The following RAB39B variants were observed in gnomAD, a reference collection of about 807,000 sequenced individuals.
RAB39B encodes ras-related protein Rab-39B.
For missense variants in RAB39B, 68 were observed against 171.3 expected (o/e 0.40, Z 3.37); for synonymous variants, 63 against 67.5 (o/e 0.93, Z 0.33).
intron 1 of RAB39B, among the ~76,000 whole-genome samples, chrX:155,263,772 G>T (rs1038467961): frequency 3.6e-5 from 4 of 112,282 alleles, no homozygotes; most frequent in African/African-American, 1.3e-4. Flanking sequence ...TGTAACATAG[G>T]GACTGAGATT....
chrX:155,263,632 T>C (rs2074860064), intron 1 of RAB39B, among the ~76,000 whole-genome samples: 1 of 112,857 alleles, frequency 8.9e-6, no homozygotes, highest in Non-Finnish European at 1.9e-5. Flanking sequence ...ATCTATTTCA[T>C]GTTAGAACAT....
rs782583579 is a variant in RAB39B at position 155,259,506 on chromosome X, T to C, written c.*1297A>G. 4.5e-5 allele frequency: 5 copies of C among 112,078 alleles called. No homozygotes were observed. Among genetic ancestry groups the C allele is most frequent in the African/African-American group, 1.6e-4 (5 of 30,863 alleles). 9.2% of individuals were successfully genotyped at this position (112,078 alleles called of 1,213,427 possible). On this transcript the variant is annotated 3_prime_UTR_variant, in exon 2 of 2. Coordinates refer to ENST00000369454, the MANE Select transcript of RAB39B (RefSeq NM_171998.4). ...TGTGTCTCAGTGATAAGAACACTTA[T>C]AGCCCACACAGTTCTAATGTCTTTT... is the stretch of plus-strand genomic sequence containing the variant.
rs891354212 is a variant in RAB39B at position 155,264,371 on chromosome X, C to G, written c.-83G>C. The G allele has an allele frequency of 1.1e-6, 1 of 932,914 alleles. No individual in the cohort carries two copies. Among genetic ancestry groups the G allele is most frequent in the East Asian group, 3.1e-5 (1 of 32,332 alleles). The allele number at this position is 932,914 out of a possible 1,213,427, so 76.9% of individuals were successfully genotyped here. A position where few individuals can be genotyped will look rare whatever the true frequency, so the allele number is the denominator to read the frequency against. On this transcript the variant is annotated 5_prime_UTR_variant, in exon 1 of 2. Transcript: ENST00000369454. ...CGCCGACGCCTCAGAGAGCGCGGCT[C>G]GGCAGGATCTAGCTCAGCCGCGAGC...
chrX:155,262,650 A>G (rs1264890719), intron 1 of RAB39B, among the ~76,000 whole-genome samples: 3 of 112,350 alleles, frequency 2.7e-5, no homozygotes, highest in Non-Finnish European at 5.6e-5. Context: ...ACATTAAAAA[A>G]TCTTAAATAA....
chrX:155,263,740 C>G, intron 1 of RAB39B, among the ~76,000 whole-genome samples: 1 of 112,407 alleles, frequency 8.9e-6, no homozygotes, highest in Non-Finnish European at 1.9e-5. Context: ...GTTAGGATGA[C>G]CTGGGAACGT....
chrX:155,264,372 G>A lies in RAB39B; in HGVS notation c.-84C>T. On this transcript the variant is annotated 5_prime_UTR_variant, in exon 1 of 2. Coordinates refer to ENST00000369454, the MANE Select transcript of RAB39B (RefSeq NM_171998.4). ...GCCGACGCCTCAGAGAGCGCGGCTC[G>A]GCAGGATCTAGCTCAGCCGCGAGCG... 1 of 928,245 alleles carries A rather than the reference G, an allele frequency of 1.1e-6. No homozygotes were observed. Among genetic ancestry groups the A allele is most frequent in the South Asian group, 2.0e-5 (1 of 49,954 alleles). The allele number at this position is 928,245 out of a possible 1,213,427, so 76.5% of individuals were successfully genotyped here.
chrX:155,264,006 C>T, intron 1 of RAB39B, 68 bp downstream of exon 1: 1 of 1,023,785 alleles, frequency 9.8e-7, no homozygotes, highest in Non-Finnish European at 1.4e-6. Context: ...AGGAAGTCCT[C>T]TCTCCCCAGA....
chrX:155,261,956 C>T (rs73573093), intron 1 of RAB39B, among the ~76,000 whole-genome samples: 1,366 of 110,334 alleles, frequency 0.012, 33 homozygotes, highest in African/African-American at 0.043. Flanking sequence ...AGAGAGATGG[C>T]GAAGGGTTCA....
At chrX:155,263,837 C>T (rs2074860539) in intron 1 of RAB39B, among the ~76,000 whole-genome samples, 1 of 111,823 alleles carries the variant, frequency 8.9e-6, no homozygotes, top group African/African-American at 3.3e-5. Context: ...CACCAAAGGG[C>T]AGGTTGGTGG....
chrX:155,264,341 C>A lies in RAB39B; in HGVS notation c.-53G>T. 9.0e-7 allele frequency: 1 copy of A among 1,105,369 alleles called. No homozygotes were observed. The allele number at this position is 1,105,369 out of a possible 1,213,427, so 91.1% of individuals were successfully genotyped here. On this transcript the variant is annotated 5_prime_UTR_variant, in exon 1 of 2. Coordinates refer to ENST00000369454, the MANE Select transcript of RAB39B (RefSeq NM_171998.4). ...CCGGACCGGGGACGGCGGGAGGGGG[C>A]GCCCCGCCGACGCCTCAGAGAGCGC...
Position 155,264,148 on chromosome X carries a change from G to A in RAB39B, c.141C>T (p.Ser47=), listed in dbSNP as rs2074861758. ...TTCCTGGCTCGATCTCCACCAAGCG[G>A]GAGAAAAAATCCACCCCCACGGTGG... ...SDPTVGVDFF[S]RLVEIEPGKR... is the part of the protein sequence containing the mutation. The change falls in exon 1 of 2, where the codon TCC becomes TCT. Residue 47 remains serine, a synonymous_variant. Coordinates refer to ENST00000369454, the MANE Select transcript of RAB39B (RefSeq NM_171998.4). 1 of 1,212,058 alleles carries A rather than the reference G, an allele frequency of 8.3e-7. No homozygotes were observed. The highest frequency in any genetic ancestry group is 1.1e-6 in the Non-Finnish European group (1 of 895,522).
rs782574362 is a variant in RAB39B at position 155,264,117 on chromosome X, T to A, written c.172A>T (p.Ile58Phe). ...GCGGTATCCCAGATCTGGAGCTTGATGCGTTTTCCTGGCTCGATCTCCACC... is the reference window on the plus strand; with the variant it reads ...GCGGTATCCCAGATCTGGAGCTTGAAGCGTTTTCCTGGCTCGATCTCCACC... ...RLVEIEPGKR[I>F]KLQIWDTAGQ... The change falls in exon 1 of 2, where the codon ATC (isoleucine) becomes TTC (phenylalanine). Residue 58 changes from isoleucine to phenylalanine, a missense_variant. By Grantham distance (21) the Ile-to-Phe change is conservative. Transcript: ENST00000369454. The A allele has an allele frequency of 1.7e-6, 2 of 1,209,316 alleles. No individual in the cohort carries two copies. The highest frequency in any genetic ancestry group is 1.8e-5 in the African/African-American group (1 of 56,929).
At chrX:155,262,741 G>A (rs2074857471) in intron 1 of RAB39B, among the ~76,000 whole-genome samples, 1 of 111,993 alleles carries the variant, frequency 8.9e-6, no homozygotes, top group East Asian at 2.8e-4. Flanking sequence ...AATCTATAAA[G>A]TACTCTTACA....
In RAB39B at chrX:155,259,322, C is replaced by T. The variant is rs1249045714; in HGVS notation, c.*1481G>A. On this transcript the variant is annotated 3_prime_UTR_variant, in exon 2 of 2. Transcript: ENST00000369454. ...CATTCCAATTTGCTGATGCAGTTAG[C>T]TGTTTGTTCACCTGAGAATTAAGGG... The T allele has an allele frequency of 9.0e-6, 1 of 111,625 alleles. No individual in the cohort carries two copies. Among genetic ancestry groups the T allele is most frequent in the African/African-American group, 3.3e-5 (1 of 30,646 alleles). The allele number at this position is 111,625 out of a possible 1,213,427, so 9.2% of individuals were successfully genotyped here.
intron 1 of RAB39B, among the ~76,000 whole-genome samples, chrX:155,263,416 G>T (rs1456540813): frequency 8.9e-6 from 1 of 112,494 alleles, no homozygotes; most frequent in Non-Finnish European, 1.9e-5. Flanking sequence ...ATATGAGCAA[G>T]ACACACTTTC....
chrX:155,263,619 C>G (rs1237583065), intron 1 of RAB39B, among the ~76,000 whole-genome samples: 2 of 112,521 alleles, frequency 1.8e-5, no homozygotes, highest in African/African-American at 6.5e-5. Context: ...AGGAATCAAT[C>G]GTATCTATTT....
chrX:155,261,461 T>C (rs1229644282), intron 1 of RAB39B, among the ~76,000 whole-genome samples: 1 of 111,790 alleles, frequency 8.9e-6, no homozygotes, highest in Non-Finnish European at 1.9e-5. Context: ...CGAATGTTCA[T>C]GAACTTTTAG....
At chrX:155,263,173 T>TG (rs2074858715) in intron 1 of RAB39B, among the ~76,000 whole-genome samples, 1 of 112,155 alleles carries the variant, frequency 8.9e-6, no homozygotes, top group Non-Finnish European at 1.9e-5. Context: ...TTCCTATCCC[T>TG]GGGCGTTTCC....
At chrX:155,261,826 TA>T (rs2124127556) in intron 1 of RAB39B, among the ~76,000 whole-genome samples, 1 of 109,685 alleles carries the variant, frequency 9.1e-6, no homozygotes, top group African/African-American at 3.3e-5. Flanking sequence ...CTCTTTCCAT[TA>T]TTATTATTGT....
Sources: gnomAD v4.1 joint callset for allele counts (sites outside exome capture counted in the v4.1 genomes callset) on GRCh38, gnomAD v4.1.1 for gene constraint, MANE v1.5 for transcripts, NCBI Gene and HGNC (gene_info 2026-07-23, HGNC 2026-07-21) for gene names.